The following GGTA1 variants were observed in gnomAD, a reference collection of about 807,000 sequenced individuals.
The protein encoded by GGTA1 is inactive N-acetyllactosaminide alpha-1,3-galactosyltransferase.
A neutral mutation model predicts 2.6 loss-of-function variants in GGTA1; 5 were observed. The ratio of observed to expected loss-of-function variants is 1.92; its 90% CI spans 1.00 to 4.04. GGTA1 has a LOEUF of 4.04. Ranked by LOEUF, GGTA1 falls within the 30% of genes most tolerant of loss-of-function variation. The probability of loss-of-function intolerance (pLI) is 0.00; values close to 1 mark genes in which losing one functional copy is unlikely to be tolerated. For missense variants in GGTA1, 50 were observed against 16.7 expected (o/e 2.99, Z -3.47); for synonymous variants, 17 against 5.0 (o/e 3.38, Z -3.19).
chr9:121,494,122 A>G (rs1828939100), intron 1 of GGTA1, among the ~76,000 whole-genome samples: 1 of 151,956 alleles, frequency 6.6e-6, no homozygotes, highest in Non-Finnish European at 1.5e-5. Context: ...AGTTAGACCC[A>G]TGCTTTTCCC....
At chr9:121,447,702 G>C (rs1166882698) in intron 7 of GGTA1, 1 of 152,220 alleles carries the variant, frequency 6.6e-6, no homozygotes, top group Middle Eastern at 3.4e-3. Context: ...ACCACATGCT[G>C]GGATTCCTGA....
chr9:121,489,903 T>C (rs973911732), intron 1 of GGTA1, among the ~76,000 whole-genome samples: 6 of 152,224 alleles, frequency 3.9e-5, no homozygotes, highest in African/African-American at 1.4e-4. Context: ...CTGGGATCTC[T>C]AAGAAGCTCT....
chr9:121,464,001 C>T (rs1046804982), intron 2 of GGTA1, among the ~76,000 whole-genome samples: 2 of 152,194 alleles, frequency 1.3e-5, no homozygotes, highest in Non-Finnish European at 2.9e-5. Context: ...CAGCCTAGCA[C>T]GCATAACCCT....
chr9:121,458,624 TCAAA>T (rs1210588341), intron 5 of GGTA1, among the ~76,000 whole-genome samples: 1 of 98,334 alleles, frequency 1.0e-5, no homozygotes, highest in African/African-American at 3.3e-5. Context: ...AGACCCTGTC[TCAAA>T]TAAATAAATA....
At chr9:121,452,901 C>G (rs908068055), downstream of GGTA1, among the ~76,000 whole-genome samples, 1 of 152,160 alleles carries the variant, frequency 6.6e-6, no homozygotes, top group South Asian at 2.1e-4. Flanking sequence ...TTTATTTTTT[C>G]TCTTCCTACT....
intron 1 of GGTA1, among the ~76,000 whole-genome samples, chr9:121,490,942 G>A (rs1296825375): frequency 2.0e-5 from 3 of 152,122 alleles, no homozygotes; most frequent in Non-Finnish European, 4.4e-5. Context: ...GAATTTTCAT[G>A]CCCTGGAATG....
intron 5 of GGTA1, among the ~76,000 whole-genome samples, chr9:121,459,392 C>T (rs1417433525): frequency 6.6e-6 from 1 of 152,126 alleles, no homozygotes; most frequent in Non-Finnish European, 1.5e-5. Flanking sequence ...GCCACGATTG[C>T]ACCACTGCGC....
chr9:121,467,070 G>C (rs10985255), intron 2 of GGTA1, among the ~76,000 whole-genome samples: 1 of 152,012 alleles, frequency 6.6e-6, no homozygotes, highest in Non-Finnish European at 1.5e-5. Context: ...TACCAAAATA[G>C]CTCTGTACAA....
At chr9:121,489,826 G>T (rs970341860) in intron 1 of GGTA1, among the ~76,000 whole-genome samples, 3 of 152,170 alleles carry the variant, frequency 2.0e-5, no homozygotes, top group Non-Finnish European at 2.9e-5. Flanking sequence ...GTGGGGTGGG[G>T]TTGCCCCCAG....
chr9:121,488,316 A>G (rs1010528165), intron 1 of GGTA1, among the ~76,000 whole-genome samples: 3 of 152,122 alleles, frequency 2.0e-5, no homozygotes, highest in Non-Finnish European at 4.4e-5. Flanking sequence ...GCCTCTCTTC[A>G]TTTAATCAAT....
chr9:121,477,643 C>T (rs548091307), intron 1 of GGTA1, among the ~76,000 whole-genome samples: 92 of 147,604 alleles, frequency 6.2e-4, no homozygotes, highest in Middle Eastern at 3.4e-3. Flanking sequence ...TGGCACAATC[C>T]CAGCTCACTG....
intron 2 of GGTA1, among the ~76,000 whole-genome samples, chr9:121,465,421 G>A (rs1327461802): frequency 6.6e-6 from 1 of 152,214 alleles, no homozygotes; most frequent in African/African-American, 2.4e-5. Flanking sequence ...AGCAGATCAT[G>A]ATGATGATGA....
chr9:121,497,048 C>T (rs940198425), intron 1 of GGTA1, among the ~76,000 whole-genome samples: 1 of 151,876 alleles, frequency 6.6e-6, no homozygotes, highest in Non-Finnish European at 1.5e-5. Flanking sequence ...AAAAAATTAG[C>T]TGGGTATGGT....
chr9:121,491,287 G>C (rs1227211765), intron 1 of GGTA1, among the ~76,000 whole-genome samples: 1 of 152,212 alleles, frequency 6.6e-6, no homozygotes. Context: ...CCTGGGGCAG[G>C]AGAAGGTCAG....
downstream of GGTA1, among the ~76,000 whole-genome samples, chr9:121,454,508 A>G (rs1342939692): frequency 6.6e-6 from 1 of 152,228 alleles, no homozygotes; most frequent in Non-Finnish European, 1.5e-5. Flanking sequence ...ATCAATGAAG[A>G]AACTAGCACA....
At chr9:121,475,309 A>G (rs1828485517) in intron 1 of GGTA1, among the ~76,000 whole-genome samples, 1 of 152,200 alleles carries the variant, frequency 6.6e-6, no homozygotes, top group South Asian at 2.1e-4. Context: ...AAGGGGAGCC[A>G]TGAATAATCC....
chr9:121,481,346 G>A (rs1261108667), intron 1 of GGTA1, among the ~76,000 whole-genome samples: 2 of 151,950 alleles, frequency 1.3e-5, no homozygotes, highest in African/African-American at 2.4e-5. Flanking sequence ...AAGAAACCCA[G>A]CATAAAAGGT....
At position 121,457,712 on chromosome 9, in the gene GGTA1, A is replaced by C. The variant is rs111322896; in HGVS notation, c.299-1871T>G. On this transcript the variant is annotated intron_variant, in intron 5 of 5. Coordinates refer to ENST00000481799, the MANE Select transcript of GGTA1 (RefSeq NM_001382585.1). ...CGAGAATCCATCTTAAAAAAAAAAAAAAAACAGTATATAAAGAACAGAGAA... is the reference window on the plus strand; with the variant it reads ...CGAGAATCCATCTTAAAAAAAAAAACAAAACAGTATATAAAGAACAGAGAA... 2.0e-3 allele frequency among the ~76,000 whole-genome samples: 299 copies of C among 150,300 alleles called. 2 individuals are homozygous for C. The highest frequency in any genetic ancestry group is 6.6e-3 in the African/African-American group (271 of 40,986).
chr9:121,492,385 G>A (rs1465647681), intron 1 of GGTA1, among the ~76,000 whole-genome samples: 6 of 152,214 alleles, frequency 3.9e-5, no homozygotes, highest in African/African-American at 1.4e-4. Flanking sequence ...CACGGGGTAG[G>A]ACGTGACCAC....
Sources: allele counts gnomAD v4.1 joint callset (sites outside exome capture counted in the v4.1 genomes callset), GRCh38; gene constraint gnomAD v4.1.1; transcripts MANE v1.5; gene names NCBI Gene and HGNC (gene_info 2026-07-23, HGNC 2026-07-21).